The following XG variants were observed in gnomAD, a reference collection of about 807,000 sequenced individuals.
XG encodes Xg glycoprotein (Xg blood group).
A neutral mutation model predicts 25.7 loss-of-function variants in XG; 24 were observed. That is an observed-to-expected ratio of 0.93 (90% confidence interval 0.68 to 1.31). The LOEUF (loss-of-function observed/expected upper bound fraction) is 1.31, where lower values mean the gene tolerates loss of function less well. Among genes scored for constraint, XG ranks in the 40% most tolerant of loss-of-function variants. The pLI is 0.00. For synonymous variants in XG, 77 were observed against 69.2 expected (o/e 1.11, Z -0.56); for missense variants, 181 against 187.6 (o/e 0.96, Z 0.21).
At chrX:2,766,935 C>T (rs1422864293) in intron 1 of XG, among the ~76,000 whole-genome samples, 1 of 151,808 alleles carries the variant, frequency 6.6e-6, no homozygotes, top group African/African-American at 2.4e-5. Flanking sequence ...TGGCTGGCTT[C>T]GGGGGGAAAG....
At chrX:2,797,263 G>A (rs778654776) in intron 6 of XG, 47 bp from the exon 7 acceptor site, 21 of 1,194,279 alleles carry the variant, frequency 1.8e-5, no homozygotes, top group South Asian at 3.6e-5. Flanking sequence ...GAAACCCCAC[G>A]CTCAGACACC....
At chrX:2,776,483 GGAGTCAGCCTGCAC>G (rs914467898) in intron 3 of XG, among the ~76,000 whole-genome samples, 2 of 151,996 alleles carry the variant, frequency 1.3e-5, no homozygotes, top group African/African-American at 4.8e-5. Context: ...GGATGTGCTG[GGAGTCAGCCTGCAC>G]GAGTTCAGTC....
At chrX:2,802,363 C>T (rs2086952453) in intron 7 of XG, among the ~76,000 whole-genome samples, 4 of 110,736 alleles carry the variant, frequency 3.6e-5, no homozygotes, top group African/African-American at 1.3e-4. Flanking sequence ...CACTATATTG[C>T]TCAGGCTGGT....
chrX:2,773,435 A>G (rs772980643), intron 2 of XG, among the ~76,000 whole-genome samples: 47 of 126,960 alleles, frequency 3.7e-4, no homozygotes, highest in African/African-American at 1.3e-3. Flanking sequence ...AGGAAGGAAG[A>G]AAGGAGGGTG....
At chrX:2,764,313 G>C (rs1467474363) in intron 1 of XG, among the ~76,000 whole-genome samples, 1 of 152,170 alleles carries the variant, frequency 6.6e-6, no homozygotes, top group East Asian at 1.9e-4. Flanking sequence ...CTATGGAGGA[G>C]CCATTCTTTA....
At chrX:2,759,192 G>C (rs1432090312) in intron 1 of XG, among the ~76,000 whole-genome samples, 1 of 152,170 alleles carries the variant, frequency 6.6e-6, no homozygotes, top group Non-Finnish European at 1.5e-5. Context: ...GGGTGTTCTC[G>C]CATTCGGTGG....
chrX:2,812,220 C>G lies in XG; in HGVS notation c.571+768C>G, dbSNP rs560859795. On this transcript the variant is annotated intron_variant, in intron 10 of 10. Transcript: ENST00000644266. ...TGAATTATAAGCCTCTCTGAAATTC[C>G]GAAGGTGCGCTCAGACCATAGGGGA... Among the ~76,000 whole-genome samples, 58 of 111,242 alleles carry G rather than the reference C, an allele frequency of 5.2e-4. 1 individual carries two copies. In the South Asian group the frequency reaches 0.022, roughly 41 times the overall value.
intron 3 of XG, 73 bp downstream of exon 3, chrX:2,774,812 G>C: frequency 6.3e-7 from 1 of 1,584,808 alleles, no homozygotes; most frequent in Non-Finnish European, 8.7e-7. Context: ...GATGGTTGAG[G>C]ATGTTTTACA....
At chrX:2,767,691 G>T (rs1177373207) in intron 1 of XG, among the ~76,000 whole-genome samples, 16 of 152,126 alleles carry the variant, frequency 1.1e-4, no homozygotes, top group Admixed American at 1.0e-3. Context: ...CCCAGGCGTG[G>T]CTTTGCTGCA....
At chrX:2,804,081 G>A (rs1603457893) in intron 7 of XG, among the ~76,000 whole-genome samples, 1 of 112,139 alleles carries the variant, frequency 8.9e-6, no homozygotes, top group African/African-American at 3.2e-5. Context: ...GACCTGAGGC[G>A]ATCCACCCTC....
chrX:2,785,865 G>A (rs2086778542), intron 4 of XG, among the ~76,000 whole-genome samples: 2 of 111,387 alleles, frequency 1.8e-5, no homozygotes, highest in Non-Finnish European at 3.8e-5. Flanking sequence ...CTCAGACAAC[G>A]AAGGCAATTG....
intron 6 of XG, among the ~76,000 whole-genome samples, chrX:2,796,183 GTA>G (rs974597370): frequency 5.7e-5 from 6 of 104,513 alleles, no homozygotes; most frequent in African/African-American, 1.7e-4. Flanking sequence ...ATATGCATAT[GTA>G]TATGTCTTTA....
chrX:2,773,447 G>T (rs1235685547), intron 2 of XG, among the ~76,000 whole-genome samples: 1 of 147,014 alleles, frequency 6.8e-6, no homozygotes, highest in Non-Finnish European at 1.5e-5. Context: ...AGGAGGGTGG[G>T]GAGGAAGGAA....
At chrX:2,793,117 T>C (rs923305911) in intron 5 of XG, among the ~76,000 whole-genome samples, 5 of 110,386 alleles carry the variant, frequency 4.5e-5, no homozygotes, top group African/African-American at 1.6e-4. Flanking sequence ...TTGCCCAGAC[T>C]GGTCTCCAAC....
At chrX:2,808,077 CA>C (rs2087020803) in intron 8 of XG, 107 bp from the exon 9 acceptor site, 9 of 882,125 alleles carry the variant, frequency 1.0e-5, no homozygotes, top group Non-Finnish European at 9.8e-6. Context: ...TCCCTGAAAA[CA>C]GGGATCTGTG....
At chrX:2,773,235 G>A (rs115927986) in intron 2 of XG, among the ~76,000 whole-genome samples, 3,232 of 146,430 alleles carry the variant, frequency 0.022, 112 homozygotes, top group African/African-American at 0.078. Context: ...AGGGAAGGAA[G>A]GAAGAAGAAA....
intron 1 of XG, among the ~76,000 whole-genome samples, chrX:2,762,566 C>T (rs915396403): frequency 1.3e-5 from 2 of 152,042 alleles, no homozygotes; most frequent in African/African-American, 4.8e-5. Context: ...TGTTTGATTT[C>T]CTGTCCTGCT....
chrX:2,785,335 G>C (rs2086773555), intron 4 of XG, among the ~76,000 whole-genome samples: 1 of 111,967 alleles, frequency 8.9e-6, no homozygotes, highest in Non-Finnish European at 1.9e-5. Context: ...TCCCACACCT[G>C]TGAAGATGAG....
At chrX:2,757,971 CAAAAAAAAAAA>C (rs59540338) in intron 1 of XG, among the ~76,000 whole-genome samples, 2 of 88,672 alleles carry the variant, frequency 2.3e-5, no homozygotes, top group Non-Finnish European at 4.4e-5. Context: ...GACTCCATCT[CAAAAAAAAAAA>C]AAAAAAAAAA....
Sources: allele counts gnomAD v4.1 joint callset (sites outside exome capture counted in the v4.1 genomes callset), GRCh38; gene constraint gnomAD v4.1.1; transcripts MANE v1.5; gene names NCBI Gene and HGNC (gene_info 2026-07-23, HGNC 2026-07-21).